CTNNA3: variants seen among roughly 807,000 people sequenced by gnomAD.
CTNNA3 encodes the protein catenin alpha 3.
CTNNA3 carries 76 observed loss-of-function variants against 95.7 expected under a neutral mutation model. That is an observed-to-expected ratio of 0.79 (90% CI 0.66 to 0.96). The LOEUF is 0.96. CTNNA3 is among the 40% of genes least tolerant of loss of function. CTNNA3 has a pLI of 0.00. For missense variants in CTNNA3, 1,191 were observed against 1,089.8 expected, an observed-to-expected ratio of 1.09 and a Z score of -1.31; for synonymous variants, 431 against 374.4, an observed-to-expected ratio of 1.15 and a Z score of -1.74.
At chr10:67,377,149 C>T (rs1426993694) in intron 5 of CTNNA3, among the ~76,000 whole-genome samples, 1 of 152,030 alleles carries the variant, frequency 6.6e-6, no homozygotes, top group Admixed American at 6.5e-5. Flanking sequence ...CAATGTAGAC[C>T]CTGCTAAACT....
intron 4 of CTNNA3, 75 bp downstream of exon 4, chr10:67,539,428 G>C: frequency 6.6e-7 from 1 of 1,517,716 alleles, no homozygotes; most frequent in African/African-American, 1.4e-5. Context: ...GATGCACTAG[G>C]ATCGACGCCA....
chr10:67,674,475 T>A (rs1358233219), intron 1 of CTNNA3, among the ~76,000 whole-genome samples: 3 of 152,090 alleles, frequency 2.0e-5, no homozygotes, highest in Admixed American at 6.6e-5. Context: ...CTAATACAAT[T>A]CAGAAGTAGA....
intron 1 of CTNNA3, among the ~76,000 whole-genome samples, chr10:67,687,780 T>C (rs1840762256): frequency 2.6e-5 from 4 of 152,146 alleles, no homozygotes; most frequent in Admixed American, 1.3e-4. Context: ...GGCAGAAGGA[T>C]TTTCTTCCTT....
Position 65,928,199 on chromosome 10 carries a change from AT to A in CTNNA3, c.2401-7583del, listed in dbSNP as rs1348287071. Reference sequence around the variant, plus strand: ...TTGTATATGGAGTAATGTGCAGTACATTTTTTTCATATACAGATATTGTTCA... The same window carrying A: ...TTGTATATGGAGTAATGTGCAGTACATTTTTTCATATACAGATATTGTTCA... On this transcript the variant is annotated intron_variant, in intron 17 of 17. Transcript: ENST00000433211. Among the ~76,000 whole-genome samples, 5 of 152,148 alleles carry A rather than the reference AT, an allele frequency of 3.3e-5. 1 individual carries two copies. Among genetic ancestry groups the A allele is most frequent in the Middle Eastern group, 6.8e-3 (2 of 294 alleles).
intron 5 of CTNNA3, among the ~76,000 whole-genome samples, chr10:67,224,255 C>A (rs1169690441): frequency 2.0e-5 from 3 of 152,176 alleles, no homozygotes; most frequent in Non-Finnish European, 4.4e-5. Context: ...CCGTTTCCCC[C>A]ACATGCCAAC....
At chr10:66,989,523 T>A (rs1197896624) in intron 7 of CTNNA3, among the ~76,000 whole-genome samples, 1 of 152,152 alleles carries the variant, frequency 6.6e-6, no homozygotes, top group Non-Finnish European at 1.5e-5. Flanking sequence ...ATATGTTTGG[T>A]CATGTGGGAT....
At chr10:67,699,794 C>G (rs996725016), upstream of CTNNA3, among the ~76,000 whole-genome samples, 1 of 152,156 alleles carries the variant, frequency 6.6e-6, no homozygotes, top group East Asian at 1.9e-4. Flanking sequence ...TGCAGTGCAC[C>G]GTTCGCGAGC....
chr10:67,039,919 A>C (rs1020915034), intron 7 of CTNNA3, among the ~76,000 whole-genome samples: 1 of 152,106 alleles, frequency 6.6e-6, no homozygotes, highest in Non-Finnish European at 1.5e-5. Flanking sequence ...GAAGTTTTGG[A>C]GATAGCCAAC....
At chr10:67,325,799 C>T (rs1402567440) in intron 5 of CTNNA3, among the ~76,000 whole-genome samples, 4 of 152,050 alleles carry the variant, frequency 2.6e-5, no homozygotes. Flanking sequence ...TATTTTCTGT[C>T]TTGATGATCT....
At chr10:66,168,390 T>A (rs2131824579) in intron 13 of CTNNA3, among the ~76,000 whole-genome samples, 1 of 152,282 alleles carries the variant, frequency 6.6e-6, no homozygotes, top group South Asian at 2.1e-4. Flanking sequence ...TAGTCTGGCC[T>A]TTGCCTAACT....
chr10:66,843,400 G>A (rs1843138125), intron 7 of CTNNA3, among the ~76,000 whole-genome samples: 1 of 152,194 alleles, frequency 6.6e-6, no homozygotes, highest in Admixed American at 6.5e-5. Flanking sequence ...AGAATCAGGA[G>A]CAAAAGATGG....
At chr10:67,507,695 G>A (rs1839472147) in intron 5 of CTNNA3, among the ~76,000 whole-genome samples, 1 of 152,060 alleles carries the variant, frequency 6.6e-6, no homozygotes, top group South Asian at 2.1e-4. Context: ...AAAAACTGAA[G>A]AGGAAGGAAT....
intron 12 of CTNNA3, among the ~76,000 whole-genome samples, chr10:66,303,387 G>C (rs1367349596): frequency 6.6e-6 from 1 of 152,042 alleles, no homozygotes; most frequent in Non-Finnish European, 1.5e-5. Flanking sequence ...AAGATGCACA[G>C]TAAAATAATA....
intron 1 of CTNNA3, among the ~76,000 whole-genome samples, chr10:67,739,393 T>C (rs1352739623): frequency 6.6e-6 from 1 of 152,138 alleles, no homozygotes. Context: ...GACATGATTG[T>C]ATATCTAGAA....
intron 7 of CTNNA3, among the ~76,000 whole-genome samples, chr10:67,064,862 T>C (rs1855972670): frequency 6.6e-6 from 1 of 152,216 alleles, no homozygotes; most frequent in African/African-American, 2.4e-5. Context: ...AGGAAATTTA[T>C]ATGTAAGTAT....
At chr10:66,224,624 G>C (rs1267359286) in intron 13 of CTNNA3, among the ~76,000 whole-genome samples, 1 of 152,096 alleles carries the variant, frequency 6.6e-6, no homozygotes, top group Non-Finnish European at 1.5e-5. Flanking sequence ...ATGTAATTGA[G>C]AAGATGAAAT....
chr10:66,466,129 C>A (rs1340306879), intron 11 of CTNNA3, among the ~76,000 whole-genome samples: 1 of 151,972 alleles, frequency 6.6e-6, no homozygotes, highest in African/African-American at 2.4e-5. Flanking sequence ...AGAAAAATGA[C>A]TGACATCCCC....
At chr10:67,458,116 A>T (rs1847240765) in intron 5 of CTNNA3, among the ~76,000 whole-genome samples, 1 of 152,066 alleles carries the variant, frequency 6.6e-6, no homozygotes, top group Non-Finnish European at 1.5e-5. Flanking sequence ...TCCACAAAAT[A>T]ATAGTTTTCT....
chr10:66,449,385 A>T (rs2093447161), intron 11 of CTNNA3, among the ~76,000 whole-genome samples: 1 of 152,150 alleles, frequency 6.6e-6, no homozygotes, highest in South Asian at 2.1e-4. Context: ...GAACACGTCA[A>T]ATACCACAGG....
Sources: allele counts gnomAD v4.1 joint callset (sites outside exome capture counted in the v4.1 genomes callset), GRCh38; gene constraint gnomAD v4.1.1; transcripts MANE v1.5; gene names NCBI Gene and HGNC (gene_info 2026-07-23, HGNC 2026-07-21).